LGI2: variants seen among roughly 807,000 people sequenced by gnomAD.
LGI2 encodes the protein leucine-rich repeat LGI family member 2.
A neutral mutation model predicts 52.0 loss-of-function variants in LGI2; 30 were observed. The ratio of observed to expected loss-of-function variants is 0.58; its 90% CI spans 0.43 to 0.78. The LOEUF (loss-of-function observed/expected upper bound fraction) is 0.78, where lower values mean the gene tolerates loss of function less well. LGI2 is among the 30% of genes least tolerant of loss of function. LGI2 has a pLI of 0.00. For synonymous variants in LGI2, 270 were observed against 271.8 expected (o/e 0.99, Z 0.06); for missense variants, 573 against 692.5 (o/e 0.83, Z 1.94).
chr4:25,020,000 C>T (rs1238098846), intron 4 of LGI2, among the ~76,000 whole-genome samples: 1 of 151,972 alleles, frequency 6.6e-6, no homozygotes, highest in Admixed American at 6.6e-5. Flanking sequence ...TATTAAGCAC[C>T]AAAGTGTGAG....
At chr4:24,994,280 G>C (rs897478536), downstream of LGI2, among the ~76,000 whole-genome samples, 5 of 152,102 alleles carry the variant, frequency 3.3e-5, no homozygotes, top group Admixed American at 3.3e-4. Flanking sequence ...ATATTGTCCT[G>C]GTCTCTGTGC....
At chr4:25,020,883 G>A (rs1052546709) in intron 4 of LGI2, among the ~76,000 whole-genome samples, 2 of 152,122 alleles carry the variant, frequency 1.3e-5, no homozygotes, top group Admixed American at 6.5e-5. Context: ...AACTGTGTTG[G>A]AAAATAGGCT....
intron 4 of LGI2, among the ~76,000 whole-genome samples, chr4:25,022,586 C>G (rs1270429838): frequency 6.6e-6 from 1 of 152,166 alleles, no homozygotes; most frequent in Non-Finnish European, 1.5e-5. Context: ...CATAATACCA[C>G]AGAAAAGGAG....
At chr4:25,012,708 GCA>G (rs1418859135) in intron 6 of LGI2, among the ~76,000 whole-genome samples, 4 of 152,208 alleles carry the variant, frequency 2.6e-5, no homozygotes, top group African/African-American at 7.2e-5. Flanking sequence ...CAGACAGAAT[GCA>G]CAGTTTCTAG....
Position 24,999,982 on chromosome 4 carries a change from A to C in LGI2, c.*3469T>G. On this transcript the variant is annotated 3_prime_UTR_variant, in exon 8 of 8. Coordinates refer to ENST00000382114, the MANE Select transcript of LGI2 (RefSeq NM_018176.4). ...CCCATAGCTATGCAGGGGGAGAAAC[A>C]ACCAGACCAGCTAGATATCCTCCTT... The C allele has an allele frequency of 2.6e-6, 1 of 386,934 alleles. No homozygotes were observed. Among genetic ancestry groups the C allele is most frequent in the Non-Finnish European group, 5.3e-6 (1 of 190,002 alleles). The allele number at this position is 386,934 out of a possible 1,614,324, so 24.0% of individuals were successfully genotyped here.
chr4:25,021,227 T>C (rs79752958), intron 4 of LGI2, among the ~76,000 whole-genome samples: 5,113 of 152,326 alleles, frequency 0.034, 271 homozygotes, highest in African/African-American at 0.12. Flanking sequence ...CACCTGCCTT[T>C]CCACTTCATT....
chr4:24,992,484 C>T, the LGI2 span, among the ~76,000 whole-genome samples: 8 of 151,724 alleles, frequency 5.3e-5, no homozygotes, highest in African/African-American at 1.9e-4. Flanking sequence ...GGGGCTGAGG[C>T]GGGTAGATTG....
In LGI2 at chr4:25,003,233, A is replaced by AT. The variant is rs1233703284; in HGVS notation, c.*217dup. 86 of 456,346 alleles carry AT rather than the reference A, an allele frequency of 1.9e-4. No homozygotes were observed. The highest frequency in any genetic ancestry group is 5.7e-4 in the Middle Eastern group (1 of 1,768). The allele number at this position is 456,346 out of a possible 1,614,324, so 28.3% of individuals were successfully genotyped here. A position where few individuals can be genotyped will look rare whatever the true frequency, so the allele number is the denominator to read the frequency against. On this transcript the variant is annotated 3_prime_UTR_variant, in exon 8 of 8. Coordinates refer to ENST00000382114, the MANE Select transcript of LGI2 (RefSeq NM_018176.4). ...TTTCTCAGAAATTACAGGCTTTAAG[A>AT]TTTTTTTTTAAATGGTAGAATGGGC... is the stretch of plus-strand genomic sequence containing the variant.
intron 6 of LGI2, among the ~76,000 whole-genome samples, chr4:25,014,334 T>G (rs1432039335): frequency 6.6e-6 from 1 of 152,220 alleles, no homozygotes; most frequent in African/African-American, 2.4e-5. Flanking sequence ...TTTACAAATC[T>G]AGCCTGTCGT....
intron 7 of LGI2, among the ~76,000 whole-genome samples, chr4:25,008,746 G>T (rs978179064): frequency 6.6e-6 from 1 of 152,198 alleles, no homozygotes; most frequent in Non-Finnish European, 1.5e-5. Context: ...AAGCCAGTCT[G>T]ATGTTGGAAC....
intron 1 of LGI2, among the ~76,000 whole-genome samples, chr4:25,029,849 C>T (rs1012751900): frequency 2.0e-5 from 3 of 152,240 alleles, no homozygotes; most frequent in East Asian, 1.9e-4. Context: ...AACCTCTGCC[C>T]AGCCTTCTGT....
intron 7 of LGI2, among the ~76,000 whole-genome samples, chr4:25,010,564 T>C (rs1725547046): frequency 6.6e-6 from 1 of 152,220 alleles, no homozygotes; most frequent in African/African-American, 2.4e-5. Context: ...AAGGCACACA[T>C]TCTTCCTAGA....
intron 3 of LGI2, among the ~76,000 whole-genome samples, chr4:25,025,709 G>A (rs1381442118): frequency 6.6e-6 from 1 of 152,182 alleles, no homozygotes; most frequent in Non-Finnish European, 1.5e-5. Context: ...GATGCTCCAT[G>A]GTTGGGGCTT....
intron 4 of LGI2, among the ~76,000 whole-genome samples, chr4:25,022,407 A>G (rs1342214912): frequency 6.6e-6 from 1 of 152,134 alleles, no homozygotes; most frequent in Non-Finnish European, 1.5e-5. Context: ...TTCTGAAGAC[A>G]CTCAGAGAAA....
In LGI2 at chr4:25,003,966, C is replaced by A; in HGVS notation, c.1123G>T (p.Asp375Tyr). 6.2e-7 allele frequency: 1 copy of A among 1,614,174 alleles called. No individual in the cohort carries two copies. The highest frequency in any genetic ancestry group is 8.5e-7 in the Non-Finnish European group (1 of 1,180,038). The change falls in exon 8 of 8, where the codon GAT (aspartate) becomes TAT (tyrosine). Residue 375 changes from aspartate (D) to tyrosine (Y), a missense_variant. Coordinates refer to ENST00000382114, the MANE Select transcript of LGI2 (RefSeq NM_018176.4). Reference protein sequence around the residue: ...QSLHEWFRDTDAEFVDIDGKS... With the variant: ...QSLHEWFRDTYAEFVDIDGKS... ...CCATCGATATCAACAAACTCCGCAT[C>A]CGTGTCCCTGAACCACTCGTGCAGT...
Position 25,017,971 on chromosome 4 carries a change from G to T in LGI2, c.655+18C>A, listed in dbSNP as rs372888854. 3.2e-5 allele frequency: 50 copies of T among 1,585,904 alleles called. No homozygotes were observed. The highest frequency in any genetic ancestry group is 4.2e-5 in the Non-Finnish European group (49 of 1,168,680). On this transcript the variant is annotated intron_variant, in intron 6 of 7. Transcript: ENST00000382114. ...ATTATTCTAAATATCCGTGTCTGAT[G>T]AGATAGGCTCTGAATACCTGTAGTT...
In LGI2 at chr4:25,000,446, A is replaced by G. The variant is rs1431017625; in HGVS notation, c.*3005T>C. 6.6e-6 allele frequency: 1 copy of G among 152,316 alleles called. No homozygotes were observed. The highest frequency in any genetic ancestry group is 1.5e-5 in the Non-Finnish European group (1 of 68,126). 9.4% of individuals were successfully genotyped at this position (152,316 alleles called of 1,614,324 possible). A position where few individuals can be genotyped will look rare whatever the true frequency, so the allele number is the denominator to read the frequency against. On this transcript the variant is annotated 3_prime_UTR_variant, in exon 8 of 8. Transcript: ENST00000382114. ...TTATGAACAAATGAGGTGAGTACTA[A>G]TGTGCATTGGAAAAATATAAAGCTT... is the stretch of plus-strand genomic sequence containing the variant.
In LGI2 at chr4:25,019,268, A is replaced by G. The variant is rs549698244; in HGVS notation, c.414-30T>C. The G allele has an allele frequency of 1.3e-5, 19 of 1,454,374 alleles. No individual in the cohort carries two copies. In the South Asian group the frequency reaches 2.2e-4, roughly 17 times the overall value. 90.1% of individuals were successfully genotyped at this position (1,454,374 alleles called of 1,614,324 possible). A position where few individuals can be genotyped will look rare whatever the true frequency, so the allele number is the denominator to read the frequency against. On this transcript the variant is annotated intron_variant, in intron 4 of 7. Transcript: ENST00000382114. ...AACAAGAAAGTCACATTGCAATGTGATTATTATCTCATGCCCTGTCACTCT... is the reference window on the plus strand; with the variant it reads ...AACAAGAAAGTCACATTGCAATGTGGTTATTATCTCATGCCCTGTCACTCT...
chr4:24,998,085 A>C (rs1725135439), downstream of LGI2, among the ~76,000 whole-genome samples: 1 of 152,142 alleles, frequency 6.6e-6, no homozygotes. Context: ...TTTGTGGCCC[A>C]AGCTGGTCTC....
Sources: allele counts gnomAD v4.1 joint callset (sites outside exome capture counted in the v4.1 genomes callset), GRCh38; gene constraint gnomAD v4.1.1; transcripts MANE v1.5; gene names NCBI Gene and HGNC (gene_info 2026-07-23, HGNC 2026-07-21).